The following CALB2 variants were observed in gnomAD, a reference collection of about 807,000 sequenced individuals.
CALB2 encodes the protein calretinin.
A neutral mutation model predicts 45.9 loss-of-function variants in CALB2; 34 were observed. That is an observed-to-expected ratio of 0.74 (90% CI 0.56 to 0.99). The LOEUF is 0.99. Ranked by LOEUF, CALB2 falls within the 50% of genes least tolerant of loss-of-function variation. The probability of loss-of-function intolerance (pLI) is 0.00; values close to 1 mark genes in which losing one functional copy is unlikely to be tolerated. For synonymous variants in CALB2, 142 were observed against 129.6 expected, an observed-to-expected ratio of 1.10 and a Z score of -0.65; for missense variants, 344 against 339.3, an observed-to-expected ratio of 1.01 and a Z score of -0.11.
intron 1 of CALB2, among the ~76,000 whole-genome samples, chr16:71,369,020 C>A (rs2042316929): frequency 6.6e-6 from 1 of 152,088 alleles, no homozygotes; most frequent in African/African-American, 2.4e-5. Flanking sequence ...TCTTTGGGTT[C>A]AGAGCGTTCA....
chr16:71,372,362 T>C, intron 2 of CALB2, 133 bp downstream of exon 2: 1 of 624,196 alleles, frequency 1.6e-6, no homozygotes, highest in Non-Finnish European at 2.8e-6. Flanking sequence ...TTTGTAAGGA[T>C]AAAAAATAGA....
Position 71,385,005 on chromosome 16 carries a change from G to A in CALB2, c.627+169G>A, listed in dbSNP as rs73571862. ...GAGAAGGCAAATGTCATTCTCCACC[G>A]GTGGCCTATGGAGCCCAAGGGGTTG... is the stretch of plus-strand genomic sequence containing the variant. On this transcript the variant is annotated intron_variant, in intron 9 of 10. Coordinates refer to ENST00000302628, the MANE Select transcript of CALB2 (RefSeq NM_001740.5). Among the ~76,000 whole-genome samples the A allele has an allele frequency of 5.1e-3, 772 of 152,222 alleles. 6 individuals are homozygous for A. Among genetic ancestry groups the A allele is most frequent in the African/African-American group, 0.017 (709 of 41,544 alleles).
chr16:71,385,394 T>C (rs1340444985), intron 9 of CALB2, 183 bp from the exon 10 acceptor site: 2 of 491,328 alleles, frequency 4.1e-6, no homozygotes, highest in Non-Finnish European at 7.2e-6. Context: ...TTGCACCCAC[T>C]GCCACCTTCC....
At chr16:71,385,487 G>A in intron 9 of CALB2, 90 bp from the exon 10 acceptor site, 1 of 1,076,902 alleles carries the variant, frequency 9.3e-7, no homozygotes, top group Non-Finnish European at 1.4e-6. Context: ...GAGTAATGGA[G>A]AGGCTAGACT....
chr16:71,382,781 A>T lies in CALB2; in HGVS notation c.399+6A>T. 1 of 1,609,290 alleles carries T rather than the reference A, an allele frequency of 6.2e-7. No homozygotes were observed. The highest frequency in any genetic ancestry group is 1.1e-5 in the South Asian group (1 of 90,150). ...TCGAAGCCAATGAGCTCAAGGTAGG[A>T]TGGGCCTTGGGGAGGGTGTGAGGCC... On this transcript the variant is annotated splice_donor_region_variant and intron_variant, in intron 5 of 10. Coordinates refer to ENST00000302628, the MANE Select transcript of CALB2 (RefSeq NM_001740.5).
chr16:71,374,661 A>G (rs2042391050), intron 2 of CALB2, 84 bp from the exon 3 acceptor site: 2 of 941,828 alleles, frequency 2.1e-6, no homozygotes, highest in Non-Finnish European at 3.4e-6. Context: ...CCCAGGATGC[A>G]AATGATTTCC....
chr16:71,379,041 C>T (rs1323782224), intron 4 of CALB2, among the ~76,000 whole-genome samples: 1 of 152,158 alleles, frequency 6.6e-6, no homozygotes, highest in Non-Finnish European at 1.5e-5. Flanking sequence ...CTTTGGGAGG[C>T]CAAGGCAGGT....
rs887864498 is a variant in CALB2, at chr16:71,377,831, G to T, written c.342+84G>T. 7 of 959,958 alleles carry T rather than the reference G, an allele frequency of 7.3e-6. No homozygotes were observed. The African/African-American group carries it at 9.7e-5, about 13-fold the overall frequency. The allele number at this position is 959,958 out of a possible 1,614,324, so 59.5% of individuals were successfully genotyped here. A position where few individuals can be genotyped will look rare whatever the true frequency, so the allele number is the denominator to read the frequency against. ...AGAGCCAGGCCCACCCTCCTGCCTG[G>T]TAATGGTCCCTGGGAGATGCTAAAC... On this transcript the variant is annotated intron_variant, in intron 4 of 10. Coordinates refer to ENST00000302628, the MANE Select transcript of CALB2 (RefSeq NM_001740.5).
intron 1 of CALB2, among the ~76,000 whole-genome samples, chr16:71,366,725 G>T (rs909152791): frequency 6.6e-6 from 1 of 152,122 alleles, no homozygotes; most frequent in Non-Finnish European, 1.5e-5. Context: ...TTAAGAGGAG[G>T]GAGTATAAAT....
chr16:71,390,372 T>A lies in CALB2; in HGVS notation c.*507T>A, dbSNP rs941270094. 1.3e-5 allele frequency: 2 copies of A among 153,212 alleles called. No homozygotes were observed. Among genetic ancestry groups the A allele is most frequent in the African/African-American group, 4.8e-5 (2 of 41,472 alleles). 9.5% of individuals were successfully genotyped at this position (153,212 alleles called of 1,614,324 possible). A position where few individuals can be genotyped will look rare whatever the true frequency, so the allele number is the denominator to read the frequency against. On this transcript the variant is annotated 3_prime_UTR_variant, in exon 11 of 11. Transcript: ENST00000302628. ...GGCGTGCTCCTTTTCTCTTTGGGTT[T>A]CTTGTTTACCAAAGAAGAGTTTACA...
intron 10 of CALB2, among the ~76,000 whole-genome samples, chr16:71,387,298 C>T (rs2042581537): frequency 6.6e-6 from 1 of 152,188 alleles, no homozygotes; most frequent in Admixed American, 6.5e-5. Flanking sequence ...TCAGAAGCCA[C>T]TCTGAAGGTC....
intron 9 of CALB2, 93 bp from the exon 10 acceptor site, chr16:71,385,484 G>A: frequency 9.5e-7 from 1 of 1,049,190 alleles, no homozygotes; most frequent in Non-Finnish European, 1.5e-6. Flanking sequence ...ACAGAGTAAT[G>A]GAGAGGCTAG....
At chr16:71,372,296 C>A in intron 2 of CALB2, 67 bp downstream of exon 2, 1 of 1,148,338 alleles carries the variant, frequency 8.7e-7, no homozygotes. Flanking sequence ...ATGCTGTGTC[C>A]CAGTTATGTA....
chr16:71,384,991 T>A (rs1009973942), intron 9 of CALB2, among the ~76,000 whole-genome samples, 155 bp downstream of exon 9: 4 of 151,976 alleles, frequency 2.6e-5, no homozygotes, highest in Non-Finnish European at 5.9e-5. Flanking sequence ...AGAAGGCAAA[T>A]GTCATTCTCC....
intron 5 of CALB2, among the ~76,000 whole-genome samples, chr16:71,383,003 CG>C (rs1348440516): frequency 2.0e-5 from 3 of 152,174 alleles, no homozygotes; most frequent in Non-Finnish European, 4.4e-5. Context: ...CCTCCATGCT[CG>C]GGACAGGAGT....
chr16:71,377,437 C>T (rs2042429258), intron 3 of CALB2, among the ~76,000 whole-genome samples: 2 of 152,086 alleles, frequency 1.3e-5, no homozygotes, highest in African/African-American at 2.4e-5. Flanking sequence ...ACCACTTTTT[C>T]CCCTCCAATT....
At chr16:71,379,326 T>C (rs2042458159) in intron 4 of CALB2, among the ~76,000 whole-genome samples, 1 of 151,804 alleles carries the variant, frequency 6.6e-6, no homozygotes. Flanking sequence ...AAATTAGCAT[T>C]CCCCTCTTGG....
rs767047780 is a variant in CALB2 at position 71,385,562 on chromosome 16, T to A, written c.628-15T>A. On this transcript the variant is annotated splice_polypyrimidine_tract_variant and intron_variant, in intron 9 of 10. Coordinates refer to ENST00000302628, the MANE Select transcript of CALB2 (RefSeq NM_001740.5). ...AGGCTTTAGAGCTCTGGGTTGACTC[T>A]GCTCCCATCCCCAGGATAGAAGCGG... 2 of 1,613,262 alleles carry A rather than the reference T, an allele frequency of 1.2e-6. No homozygotes were observed. The highest frequency in any genetic ancestry group is 1.7e-6 in the Non-Finnish European group (2 of 1,179,328).
chr16:71,385,294 C>T (rs977650781), intron 9 of CALB2: 16 of 399,546 alleles, frequency 4.0e-5, no homozygotes, highest in East Asian at 1.6e-4. Flanking sequence ...AAATAGCCCC[C>T]GGACTCAGGG....
Sources: allele counts gnomAD v4.1 joint callset (sites outside exome capture counted in the v4.1 genomes callset), GRCh38; gene constraint gnomAD v4.1.1; transcripts MANE v1.5; gene names NCBI Gene and HGNC (gene_info 2026-07-23, HGNC 2026-07-21).